Variants in SCFD2 observed in about 807,000 individuals in gnomAD.
SCFD2 encodes the protein sec1 family domain containing 2.
SCFD2 carries 54 observed loss-of-function variants against 58.9 expected under a neutral mutation model. The ratio of observed to expected loss-of-function variants is 0.92; its 90% CI spans 0.74 to 1.15. The LOEUF (loss-of-function observed/expected upper bound fraction) is 1.15, where lower values mean the gene tolerates loss of function less well. Ranked by LOEUF, SCFD2 falls within the 50% of genes most tolerant of loss-of-function variation. SCFD2 has a pLI of 0.00. For missense variants in SCFD2, 805 were observed against 836.6 expected (o/e 0.96, Z 0.47); for synonymous variants, 321 against 335.9 (o/e 0.96, Z 0.49).
chr4:53,114,610 C>T (rs555258488), intron 5 of SCFD2, among the ~76,000 whole-genome samples: 2 of 152,158 alleles, frequency 1.3e-5, no homozygotes, highest in Non-Finnish European at 1.5e-5. Flanking sequence ...AAGAAAAATA[C>T]ATTCAATGAA....
At chr4:53,251,691 T>C (rs1481464289) in intron 4 of SCFD2, among the ~76,000 whole-genome samples, 1 of 151,936 alleles carries the variant, frequency 6.6e-6, no homozygotes, top group Non-Finnish European at 1.5e-5. Context: ...CAACCCTTCA[T>C]GCTAAAAACT....
intron 5 of SCFD2, among the ~76,000 whole-genome samples, chr4:53,078,206 C>A (rs1724039215): frequency 6.6e-6 from 1 of 152,114 alleles, no homozygotes; most frequent in Non-Finnish European, 1.5e-5. Flanking sequence ...AAGTGAAGTA[C>A]TCGCCTAGGA....
At chr4:53,040,004 T>G (rs1722855315) in intron 5 of SCFD2, among the ~76,000 whole-genome samples, 1 of 152,216 alleles carries the variant, frequency 6.6e-6, no homozygotes. Flanking sequence ...ATGATCCATT[T>G]GTGCTTATCT....
intron 5 of SCFD2, among the ~76,000 whole-genome samples, chr4:52,959,993 G>C (rs1046660333): frequency 1.3e-5 from 2 of 151,622 alleles, no homozygotes; most frequent in South Asian, 2.1e-4. Context: ...GAGAAAATAG[G>C]CTTCATTTTT....
chr4:52,920,959 G>GT (rs3833974), intron 5 of SCFD2, 89 bp from the exon 6 acceptor site: 43,795 of 492,758 alleles, frequency 0.089, 335 homozygotes, highest in South Asian at 0.13. Context: ...TAGTTGGGAG[G>GT]TTTTTTTTTT....
At chr4:53,253,232 G>A (rs1042362975) in intron 4 of SCFD2, among the ~76,000 whole-genome samples, 3 of 152,116 alleles carry the variant, frequency 2.0e-5, no homozygotes, top group Non-Finnish European at 4.4e-5. Flanking sequence ...CAAAAAGTCA[G>A]GAAACAACAG....
At chr4:53,012,619 A>C (rs991055041) in intron 5 of SCFD2, among the ~76,000 whole-genome samples, 3 of 152,050 alleles carry the variant, frequency 2.0e-5, no homozygotes, top group Non-Finnish European at 2.9e-5. Flanking sequence ...ATGTAGGATA[A>C]AATTTTTACC....
intron 2 of SCFD2, among the ~76,000 whole-genome samples, chr4:53,319,586 G>A (rs1272882118): frequency 6.6e-6 from 1 of 151,486 alleles, no homozygotes; most frequent in Non-Finnish European, 1.5e-5. Flanking sequence ...AGGCTCAAGT[G>A]CAGTGGCATG....
intron 5 of SCFD2, among the ~76,000 whole-genome samples, chr4:53,064,214 T>TC (rs1437149647): frequency 1.3e-5 from 2 of 152,184 alleles, no homozygotes; most frequent in African/African-American, 4.8e-5. Flanking sequence ...GTACAAGTGA[T>TC]CCCCTCACCC....
chr4:53,094,871 C>T (rs1278739065), intron 5 of SCFD2, among the ~76,000 whole-genome samples: 1 of 152,082 alleles, frequency 6.6e-6, no homozygotes, highest in African/African-American at 2.4e-5. Context: ...GCTTTTGCCC[C>T]CTCACTCCAC....
At chr4:52,999,065 T>A (rs961745809) in intron 5 of SCFD2, among the ~76,000 whole-genome samples, 4 of 152,186 alleles carry the variant, frequency 2.6e-5, no homozygotes. Context: ...GGTTAATACA[T>A]GGAGTTGACT....
chr4:53,207,945 C>CTTTCT (rs563776937), intron 4 of SCFD2, among the ~76,000 whole-genome samples: 13 of 147,834 alleles, frequency 8.8e-5, no homozygotes, highest in African/African-American at 1.2e-4. Context: ...TTTCTTTTTT[C>CTTTCT]TTTCTTTTCT....
chr4:53,042,862 T>C (rs996215996), intron 5 of SCFD2, among the ~76,000 whole-genome samples: 6 of 152,128 alleles, frequency 3.9e-5, no homozygotes, highest in African/African-American at 1.4e-4. Flanking sequence ...TGGATTGTCA[T>C]CTAAATGCTA....
chr4:53,276,764 T>G (rs1731340288), intron 3 of SCFD2, among the ~76,000 whole-genome samples: 1 of 152,204 alleles, frequency 6.6e-6, no homozygotes, highest in Non-Finnish European at 1.5e-5. Flanking sequence ...CAAACTGATT[T>G]CCAAAGTGGG....
chr4:53,329,751 C>T (rs1733363181), intron 2 of SCFD2, among the ~76,000 whole-genome samples: 1 of 151,458 alleles, frequency 6.6e-6, no homozygotes, highest in Non-Finnish European at 1.5e-5. Flanking sequence ...TGGAGAATGA[C>T]TTTGACGAGC....
intron 5 of SCFD2, among the ~76,000 whole-genome samples, chr4:52,975,925 A>G (rs1011672835): frequency 6.6e-6 from 1 of 151,138 alleles, no homozygotes; most frequent in African/African-American, 2.4e-5. Context: ...TCGCAAGGAC[A>G]AAAAACCAAA....
chr4:53,029,090 G>A (rs2148817695), intron 5 of SCFD2, among the ~76,000 whole-genome samples: 1 of 152,172 alleles, frequency 6.6e-6, no homozygotes, highest in African/African-American at 2.4e-5. Flanking sequence ...ATTCTTTTTG[G>A]CTTAAACAAA....
chr4:53,219,051 A>C (rs1728959526), intron 4 of SCFD2, among the ~76,000 whole-genome samples: 1 of 152,152 alleles, frequency 6.6e-6, no homozygotes, highest in African/African-American at 2.4e-5. Flanking sequence ...TGCCCCTACT[A>C]GAGGGTGCCT....
intron 4 of SCFD2, among the ~76,000 whole-genome samples, chr4:53,242,962 C>A (rs1729946790): frequency 6.6e-6 from 1 of 152,066 alleles, no homozygotes; most frequent in African/African-American, 2.4e-5. Flanking sequence ...ATAAATAAAA[C>A]CTCTGAGAAA....
Sources: gnomAD v4.1 joint callset for allele counts (sites outside exome capture counted in the v4.1 genomes callset) on GRCh38, gnomAD v4.1.1 for gene constraint, MANE v1.5 for transcripts, NCBI Gene and HGNC (gene_info 2026-07-23, HGNC 2026-07-21) for gene names.